Variants in LRRC4C observed in about 807,000 individuals in gnomAD.
LRRC4C encodes the protein leucine-rich repeat-containing protein 4C.
Under a neutral mutation model 33.6 loss-of-function variants are expected in LRRC4C, and 5 were observed. That is an observed-to-expected ratio of 0.15 (90% confidence interval 0.08 to 0.31). The LOEUF (loss-of-function observed/expected upper bound fraction) is 0.31. Among genes scored for constraint, LRRC4C ranks in the 10% least tolerant of loss-of-function variants. The pLI is 1.00. For synonymous variants in LRRC4C, 329 were observed against 302.0 expected, an observed-to-expected ratio of 1.09 and a Z score of -0.93; for missense variants, 560 against 796.7, an observed-to-expected ratio of 0.70 and a Z score of 3.58.
chr11:40,792,381 T>A (rs1403750589), intron 2 of LRRC4C, among the ~76,000 whole-genome samples: 1 of 151,910 alleles, frequency 6.6e-6, no homozygotes. Flanking sequence ...TAAATGAAAA[T>A]AAATAGACTT....
intron 1 of LRRC4C, among the ~76,000 whole-genome samples, chr11:41,173,177 T>C (rs1261377618): frequency 6.6e-6 from 1 of 152,154 alleles, no homozygotes; most frequent in Non-Finnish European, 1.5e-5. Flanking sequence ...CAATTCCTTA[T>C]ATGAGATGTG....
At chr11:41,382,218 A>G (rs917030135) in intron 1 of LRRC4C, among the ~76,000 whole-genome samples, 2 of 152,020 alleles carry the variant, frequency 1.3e-5, no homozygotes, top group Admixed American at 6.6e-5. Context: ...GCTTTCAGAG[A>G]TTAAAGATTT....
chr11:40,582,796 C>A (rs1048393225), intron 3 of LRRC4C, among the ~76,000 whole-genome samples: 2 of 151,508 alleles, frequency 1.3e-5, no homozygotes. Flanking sequence ...GGATTACAGG[C>A]GTGAGCCCCC....
intron 4 of LRRC4C, among the ~76,000 whole-genome samples, chr11:40,257,395 C>A (rs1028643174): frequency 3.3e-5 from 5 of 152,064 alleles, no homozygotes; most frequent in Admixed American, 3.3e-4. Context: ...TACTATAAGT[C>A]AAGTTAAATA....
chr11:40,710,882 T>G (rs989466769), intron 2 of LRRC4C, among the ~76,000 whole-genome samples: 3 of 152,182 alleles, frequency 2.0e-5, no homozygotes, highest in Non-Finnish European at 2.9e-5. Flanking sequence ...GCTGCTTTGT[T>G]TACCTATTCA....
chr11:40,723,646 C>T (rs1591553671), intron 2 of LRRC4C, among the ~76,000 whole-genome samples: 1 of 152,092 alleles, frequency 6.6e-6, no homozygotes, highest in East Asian at 1.9e-4. Flanking sequence ...ACACCTCCTA[C>T]CACAAAAACA....
chr11:41,077,627 T>C (rs1255371187), intron 1 of LRRC4C, among the ~76,000 whole-genome samples: 2 of 152,144 alleles, frequency 1.3e-5, no homozygotes, highest in Admixed American at 1.3e-4. Context: ...AAATTTTCCT[T>C]CTTACACCTG....
At chr11:40,440,001 C>G (rs1161638076) in intron 3 of LRRC4C, among the ~76,000 whole-genome samples, 1 of 152,204 alleles carries the variant, frequency 6.6e-6, no homozygotes, top group Non-Finnish European at 1.5e-5. Context: ...TGGATAATTA[C>G]TGGCTGCTTT....
chr11:40,792,522 C>G (rs1015588200), intron 2 of LRRC4C, among the ~76,000 whole-genome samples: 8 of 152,104 alleles, frequency 5.3e-5, no homozygotes, highest in African/African-American at 1.9e-4. Flanking sequence ...GATAGGAACA[C>G]TTTTACACTG....
At chr11:41,349,069 G>A (rs566025104) in intron 1 of LRRC4C, among the ~76,000 whole-genome samples, 1 of 152,198 alleles carries the variant, frequency 6.6e-6, no homozygotes, top group East Asian at 1.9e-4. Flanking sequence ...CTGTAGGATG[G>A]GGTCAGTCTG....
intron 3 of LRRC4C, among the ~76,000 whole-genome samples, chr11:40,436,982 T>C (rs1951168297): frequency 6.6e-6 from 1 of 152,172 alleles, no homozygotes; most frequent in South Asian, 2.1e-4. Context: ...CGGGGGAGGA[T>C]GGTCCACTTT....
Position 40,355,585 on chromosome 11 carries a change from T to A in LRRC4C, c.-269-35864A>T, listed in dbSNP as rs909629085. Among the ~76,000 whole-genome samples, 5 of 152,200 alleles carry A rather than the reference T, an allele frequency of 3.3e-5. No individual in the cohort carries two copies. The East Asian group carries it at 9.7e-4, about 29-fold the overall frequency. On this transcript the variant is annotated intron_variant, in intron 3 of 6. Transcript: ENST00000528697. ...CAGCTGAATTCTTCCCTGTGTTGCT[T>A]TTTGCTGTGACAGGGCAGCACTGAG...
intron 1 of LRRC4C, among the ~76,000 whole-genome samples, chr11:41,392,390 C>G (rs1261109758): frequency 6.6e-6 from 1 of 151,698 alleles, no homozygotes; most frequent in African/African-American, 2.4e-5. Flanking sequence ...TTCCACTGGG[C>G]TCTGTATATT....
At chr11:40,792,490 G>T (rs983691050) in intron 2 of LRRC4C, among the ~76,000 whole-genome samples, 2 of 152,116 alleles carry the variant, frequency 1.3e-5, no homozygotes, top group Non-Finnish European at 2.9e-5. Flanking sequence ...GGAAACAACA[G>T]GTGTTGGAGA....
At chr11:40,235,153 A>T (rs1865470400) in intron 5 of LRRC4C, among the ~76,000 whole-genome samples, 1 of 152,230 alleles carries the variant, frequency 6.6e-6, no homozygotes, top group Non-Finnish European at 1.5e-5. Flanking sequence ...CACATTTAGA[A>T]ATCATTTAAC....
At chr11:41,331,071 G>A (rs1354610060) in intron 1 of LRRC4C, among the ~76,000 whole-genome samples, 1 of 152,092 alleles carries the variant, frequency 6.6e-6, no homozygotes, top group Non-Finnish European at 1.5e-5. Flanking sequence ...TTCCTTAGCT[G>A]AATAAGCAGA....
chr11:40,497,335 C>A (rs1015150614), intron 3 of LRRC4C, among the ~76,000 whole-genome samples: 1 of 151,404 alleles, frequency 6.6e-6, no homozygotes, highest in Non-Finnish European at 1.5e-5. Flanking sequence ...ATCTGGGAGG[C>A]GGAGGTTGCA....
intron 2 of LRRC4C, among the ~76,000 whole-genome samples, chr11:40,903,897 C>T (rs1326836121): frequency 6.6e-6 from 1 of 151,470 alleles, no homozygotes; most frequent in East Asian, 1.9e-4. Context: ...ATCTCATGTA[C>T]TTCATAAATA....
At chr11:41,069,319 A>C (rs573796786) in intron 1 of LRRC4C, among the ~76,000 whole-genome samples, 1 of 152,296 alleles carries the variant, frequency 6.6e-6, no homozygotes, top group South Asian at 2.1e-4. Context: ...TATCATGTGG[A>C]ATGGGCAAAA....
Sources: gnomAD v4.1 joint callset for allele counts (sites outside exome capture counted in the v4.1 genomes callset) on GRCh38, gnomAD v4.1.1 for gene constraint, MANE v1.5 for transcripts, NCBI Gene and HGNC (gene_info 2026-07-23, HGNC 2026-07-21) for gene names.